TMEM164: variants seen among roughly 807,000 people sequenced by gnomAD.
The protein encoded by TMEM164 is RP13-360B22.2.
In TMEM164, 4 loss-of-function variants were observed where a neutral mutation model predicts 18.8. The observed-to-expected ratio is 0.21, with a 90% CI of 0.10 to 0.49. The LOEUF is 0.49. TMEM164 is among the 20% of genes least tolerant of loss of function. The probability of loss-of-function intolerance (pLI) is 0.98; values close to 1 mark genes in which losing one functional copy is unlikely to be tolerated. For synonymous variants in TMEM164, 86 were observed against 101.7 expected, an observed-to-expected ratio of 0.85 and a Z score of 0.93; for missense variants, 108 against 239.9, an observed-to-expected ratio of 0.45 and a Z score of 3.63.
chrX:110,069,676 C>A (rs781365511), intron 3 of TMEM164, among the ~76,000 whole-genome samples: 36 of 108,845 alleles, frequency 3.3e-4, no homozygotes, highest in African/African-American at 1.2e-3. Flanking sequence ...GCCTCGGCCT[C>A]CCAAAGTGCT....
chrX:110,162,427 A>G (rs953556045), intron 5 of TMEM164, among the ~76,000 whole-genome samples: 4 of 112,307 alleles, frequency 3.6e-5, no homozygotes, highest in South Asian at 3.7e-4. Context: ...GTCAGCCCCA[A>G]CTAGGCTCTT....
intron 4 of TMEM164, among the ~76,000 whole-genome samples, chrX:110,123,769 A>C (rs1312958430): frequency 2.7e-5 from 3 of 111,853 alleles, no homozygotes; most frequent in South Asian, 3.7e-4. Context: ...CTTGAGCCGA[A>C]GTGTTGAGAC....
chrX:110,099,820 C>G (rs948044153), intron 3 of TMEM164, among the ~76,000 whole-genome samples: 2 of 112,057 alleles, frequency 1.8e-5, no homozygotes, highest in African/African-American at 6.5e-5. Flanking sequence ...CTATGTTGAG[C>G]CTTTCAGTCC....
chrX:110,017,401 C>T (rs867173102), intron 2 of TMEM164, among the ~76,000 whole-genome samples: 1 of 21,857 alleles, frequency 4.6e-5, no homozygotes, highest in African/African-American at 1.2e-4. Context: ...CAGGCCACCT[C>T]CTTCCTTTCT....
At chrX:110,057,546 G>GTC (rs1219938582) in intron 2 of TMEM164, among the ~76,000 whole-genome samples, 1 of 102,735 alleles carries the variant, frequency 9.7e-6, no homozygotes, top group Admixed American at 1.0e-4. Flanking sequence ...CATAGAATAG[G>GTC]TCTTTTTTTT....
chrX:110,160,752 T>G (rs1400014755), intron 5 of TMEM164, among the ~76,000 whole-genome samples: 1 of 111,966 alleles, frequency 8.9e-6, no homozygotes, highest in Non-Finnish European at 1.9e-5. Context: ...TTTTGTTTTT[T>G]TGTTTTGAGA....
Position 110,128,205 on chromosome X carries a change from G to C in TMEM164, c.508-16593G>C, listed in dbSNP as rs757741460. ...TAGGGTCGTTCCCCCAGCCCCCGGGGACTCTGTTAATGAAGGGGTTTGGGT... is the reference window on the plus strand; with the variant it reads ...TAGGGTCGTTCCCCCAGCCCCCGGGCACTCTGTTAATGAAGGGGTTTGGGT... On this transcript the variant is annotated intron_variant, in intron 4 of 6. Coordinates refer to ENST00000372068, the MANE Select transcript of TMEM164 (RefSeq NM_032227.4). 8.0e-5 allele frequency among the ~76,000 whole-genome samples: 9 copies of C among 111,918 alleles called. No individual in the cohort carries two copies. In the South Asian group the frequency reaches 2.6e-3, roughly 33 times the overall value.
chrX:110,144,463 G>A (rs1293534849), intron 4 of TMEM164, among the ~76,000 whole-genome samples: 1 of 111,081 alleles, frequency 9.0e-6, no homozygotes, highest in African/African-American at 3.3e-5. Context: ...TGTCTGTAGG[G>A]GCCACTCAGG....
downstream of TMEM164, among the ~76,000 whole-genome samples, chrX:110,179,695 T>C (rs1156951226): frequency 1.9e-4 from 21 of 112,182 alleles, no homozygotes; most frequent in Non-Finnish European, 1.9e-5. Context: ...CTACAGCACC[T>C]GGTACTAACT....
chrX:110,139,505 T>C, intron 4 of TMEM164, among the ~76,000 whole-genome samples: 1 of 111,235 alleles, frequency 9.0e-6, no homozygotes, highest in East Asian at 2.8e-4. Flanking sequence ...GGAGAGTAAA[T>C]GGTCTTGGGA....
At chrX:110,088,341 A>G (rs2065882308) in intron 3 of TMEM164, among the ~76,000 whole-genome samples, 1 of 112,104 alleles carries the variant, frequency 8.9e-6, no homozygotes, top group South Asian at 3.7e-4. Flanking sequence ...TGCAGTTAAA[A>G]AGGGACAGTC....
intron 2 of TMEM164, among the ~76,000 whole-genome samples, chrX:110,065,918 C>A (rs897739747): frequency 8.9e-6 from 1 of 112,266 alleles, no homozygotes; most frequent in African/African-American, 3.2e-5. Context: ...AACAAACTTT[C>A]AGTTTTTAGA....
At chrX:110,180,672 G>A (rs1263488837), downstream of TMEM164, among the ~76,000 whole-genome samples, 3 of 111,632 alleles carry the variant, frequency 2.7e-5, no homozygotes, top group Non-Finnish European at 3.8e-5. Flanking sequence ...CCAGCCAGCC[G>A]GTAATCTCTG....
At chrX:110,044,292 A>T (rs1485115408) in intron 2 of TMEM164, among the ~76,000 whole-genome samples, 1 of 112,901 alleles carries the variant, frequency 8.9e-6, no homozygotes, top group Admixed American at 9.3e-5. Context: ...ATCTTTCTTA[A>T]TCTCCAGTAG....
intron 4 of TMEM164, among the ~76,000 whole-genome samples, chrX:110,112,281 C>T (rs1338980533): frequency 2.7e-5 from 3 of 111,401 alleles, no homozygotes; most frequent in Admixed American, 9.5e-5. Flanking sequence ...TGCAGTGAGC[C>T]GAGATCACGC....
chrX:110,020,439 G>A, intron 2 of TMEM164: 1 of 753,941 alleles, frequency 1.3e-6, no homozygotes, highest in Non-Finnish European at 1.6e-6. Flanking sequence ...TATTGCCTTC[G>A]AGAAGATAAA....
At chrX:110,140,923 G>A (rs1056229231) in intron 4 of TMEM164, among the ~76,000 whole-genome samples, 1 of 111,366 alleles carries the variant, frequency 9.0e-6, no homozygotes, top group Non-Finnish European at 1.9e-5. Context: ...GGGAAAAGAG[G>A]GTCAGGGGAG....
chrX:110,093,927 C>T (rs1218650887), intron 3 of TMEM164, among the ~76,000 whole-genome samples: 6 of 111,570 alleles, frequency 5.4e-5, no homozygotes, highest in Non-Finnish European at 1.1e-4. Flanking sequence ...TTTATTTCTG[C>T]CTTCATTTCG....
Position 110,069,799 on chromosome X carries a change from G to A in TMEM164, c.440+2403G>A, listed in dbSNP as rs191344194. Among the ~76,000 whole-genome samples the A allele has an allele frequency of 4.2e-3, 460 of 110,428 alleles. 2 individuals are homozygous for A. Among genetic ancestry groups the A allele is most frequent in the South Asian group, 0.037 (98 of 2,644 alleles). On this transcript the variant is annotated intron_variant, in intron 3 of 6. Coordinates refer to ENST00000372068, the MANE Select transcript of TMEM164 (RefSeq NM_032227.4). ...CCAAATATGACTCTTTTCTTATATA[G>A]CATCTGAATTTCAAGTCTTGGTTAA...
Sources: allele counts gnomAD v4.1 joint callset (sites outside exome capture counted in the v4.1 genomes callset), GRCh38; gene constraint gnomAD v4.1.1; transcripts MANE v1.5; gene names NCBI Gene and HGNC (gene_info 2026-07-23, HGNC 2026-07-21).